PDPR: variants seen among roughly 807,000 people sequenced by gnomAD.
The protein encoded by PDPR is pyruvate dehydrogenase phosphatase regulatory subunit, mitochondrial.
Under a neutral mutation model 102.2 loss-of-function variants are expected in PDPR, and 50 were observed. The ratio of observed to expected loss-of-function variants is 0.49; its 90% confidence interval spans 0.39 to 0.62. PDPR has a LOEUF of 0.62. Ranked by LOEUF, PDPR falls within the 20% of genes least tolerant of loss-of-function variation. The probability of loss-of-function intolerance (pLI) is 0.00; values close to 1 mark genes in which losing one functional copy is unlikely to be tolerated. For missense variants in PDPR, 625 were observed against 1,098.2 expected, an observed-to-expected ratio of 0.57 and a Z score of 6.09; for synonymous variants, 259 against 406.0, an observed-to-expected ratio of 0.64 and a Z score of 4.35.
At chr16:70,119,377 G>A (rs1176202577) in intron 2 of PDPR, among the ~76,000 whole-genome samples, 2 of 151,372 alleles carry the variant, frequency 1.3e-5, no homozygotes, top group Non-Finnish European at 2.9e-5. Flanking sequence ...AAACATCCCA[G>A]ATCATTTCAT....
intron 13 of PDPR, 70 bp from the exon 14 acceptor site, chr16:70,143,440 T>G: frequency 6.4e-7 from 1 of 1,564,704 alleles, no homozygotes. Context: ...GGTTCATTGC[T>G]GGTGGGGCCA....
chr16:70,114,097 T>G (rs1367496628), upstream of PDPR: 1 of 151,796 alleles, frequency 6.6e-6, no homozygotes, highest in Non-Finnish European at 1.5e-5. Flanking sequence ...GCCCTAAGAG[T>G]CAAGGCTTCC....
At chr16:70,130,206 T>C (rs1312612176) in intron 6 of PDPR, among the ~76,000 whole-genome samples, 1 of 152,250 alleles carries the variant, frequency 6.6e-6, no homozygotes, top group Non-Finnish European at 1.5e-5. Context: ...GGCAGGAGAA[T>C]TGCTTGAACC....
chr16:70,150,323 C>T (rs1449886571), intron 17 of PDPR, among the ~76,000 whole-genome samples: 5 of 151,118 alleles, frequency 3.3e-5, no homozygotes, highest in Non-Finnish European at 7.4e-5. Context: ...AGCTTGGTCT[C>T]GAACTCCTGA....
In PDPR at chr16:70,151,769, A is replaced by C. The variant is rs575432416; in HGVS notation, c.2053-1622A>C. ...TATTTGTGCCACGCTTGGGTTCTTT[A>C]TAAGCTGGCTTTTGTCCAGGAAGCT... On this transcript the variant is annotated intron_variant, in intron 17 of 18. Transcript: ENST00000288050. Among the ~76,000 whole-genome samples, 12 of 152,312 alleles carry C rather than the reference A, an allele frequency of 7.9e-5. No homozygotes were observed. In the South Asian group the frequency reaches 2.5e-3, roughly 32 times the overall value.
At chr16:70,138,366 G>A (rs866734886) in intron 10 of PDPR, among the ~76,000 whole-genome samples, 1 of 152,174 alleles carries the variant, frequency 6.6e-6, no homozygotes, top group African/African-American at 2.4e-5. Flanking sequence ...TTACAGGCGT[G>A]TGCCACCACA....
intron 3 of PDPR, among the ~76,000 whole-genome samples, 172 bp from the exon 4 acceptor site, chr16:70,127,088 T>TC (rs1188201916): frequency 2.6e-5 from 4 of 152,234 alleles, no homozygotes; most frequent in African/African-American, 9.6e-5. Context: ...CCTCAAGCAG[T>TC]CCTCAGTCCT....
intron 17 of PDPR, among the ~76,000 whole-genome samples, chr16:70,150,708 T>G (rs1052245052): frequency 1.3e-5 from 2 of 152,152 alleles, no homozygotes; most frequent in African/African-American, 4.8e-5. Flanking sequence ...GGCAGGGTCT[T>G]GCTATGTTGC....
At chr16:70,156,148 G>C (rs1392970342) in intron 18 of PDPR, among the ~76,000 whole-genome samples, 2 of 152,284 alleles carry the variant, frequency 1.3e-5, no homozygotes, top group Non-Finnish European at 2.9e-5. Flanking sequence ...TTTTTCTAAA[G>C]TACTGGACTG....
At chr16:70,151,651 A>C (rs1966748925) in intron 17 of PDPR, among the ~76,000 whole-genome samples, 1 of 152,288 alleles carries the variant, frequency 6.6e-6, no homozygotes, top group Non-Finnish European at 1.5e-5. Flanking sequence ...CTGTGGCTCT[A>C]GCAGCTTCAT....
intron 9 of PDPR, among the ~76,000 whole-genome samples, chr16:70,134,349 C>T (rs1338151798): frequency 6.6e-6 from 1 of 152,082 alleles, no homozygotes; most frequent in Non-Finnish European, 1.5e-5. Context: ...CCTCAGCCTC[C>T]CAGGTAGCTG....
At chr16:70,156,258 C>T (rs1236166334) in intron 18 of PDPR, 2 of 598,840 alleles carry the variant, frequency 3.3e-6, no homozygotes, top group Non-Finnish European at 5.7e-6. Flanking sequence ...AAAATGCGTA[C>T]CTCTGTTGTT....
At chr16:70,141,649 T>C (rs1196093538) in intron 11 of PDPR, among the ~76,000 whole-genome samples, 1 of 152,290 alleles carries the variant, frequency 6.6e-6, no homozygotes, top group African/African-American at 2.4e-5. Context: ...TCTGCCATCA[T>C]TTCTACCTAC....
chr16:70,145,769 G>A (rs1966190174), intron 15 of PDPR: 2 of 469,974 alleles, frequency 4.3e-6, no homozygotes, highest in South Asian at 3.2e-5. Flanking sequence ...GGATATGTTT[G>A]AAGTGGATTT....
chr16:70,115,250 A>G (rs1239082296), intron 2 of PDPR, among the ~76,000 whole-genome samples: 3 of 151,926 alleles, frequency 2.0e-5, no homozygotes, highest in African/African-American at 7.3e-5. Context: ...CAGCCTCCCA[A>G]GTAGCTGGGA....
chr16:70,130,157 G>T (rs1159446757), intron 6 of PDPR, among the ~76,000 whole-genome samples: 2 of 152,264 alleles, frequency 1.3e-5, no homozygotes, highest in Admixed American at 1.3e-4. Flanking sequence ...GCCGGGCATG[G>T]TGGTGCATGC....
chr16:70,145,058 G>A (rs1436293335), intron 15 of PDPR, among the ~76,000 whole-genome samples: 1 of 152,172 alleles, frequency 6.6e-6, no homozygotes, highest in Admixed American at 6.5e-5. Context: ...TTTGAGACCA[G>A]CCTGGCCAAC....
intron 11 of PDPR, among the ~76,000 whole-genome samples, chr16:70,139,787 T>A (rs569256199): frequency 6.6e-6 from 1 of 152,354 alleles, no homozygotes; most frequent in South Asian, 2.1e-4. Context: ...CTTTGCCAAA[T>A]GGTATCTAAA....
At chr16:70,153,734 C>G (rs1411555146) in intron 18 of PDPR, among the ~76,000 whole-genome samples, 161 bp downstream of exon 18, 1 of 152,272 alleles carries the variant, frequency 6.6e-6, no homozygotes, top group African/African-American at 2.4e-5. Flanking sequence ...AGAATGAAAA[C>G]TTTATAGGAT....
Sources: allele counts gnomAD v4.1 joint callset (sites outside exome capture counted in the v4.1 genomes callset), GRCh38; gene constraint gnomAD v4.1.1; transcripts MANE v1.5; gene names NCBI Gene and HGNC (gene_info 2026-07-23, HGNC 2026-07-21).